The following TREH variants were observed in gnomAD, a reference collection of about 807,000 sequenced individuals.
The protein encoded by TREH is trehalase.
A neutral mutation model predicts 80.5 loss-of-function variants in TREH; 69 were observed. The ratio of observed to expected loss-of-function variants is 0.86; its 90% CI spans 0.71 to 1.05. The LOEUF (loss-of-function observed/expected upper bound fraction) is 1.05. Ranked by LOEUF, TREH falls within the 50% of genes least tolerant of loss-of-function variation. TREH has a pLI of 0.00. For synonymous variants in TREH, 309 were observed against 293.5 expected, an observed-to-expected ratio of 1.05 and a Z score of -0.54; for missense variants, 716 against 718.8, an observed-to-expected ratio of 1.00 and a Z score of 0.04.
chr11:118,676,627 C>T (rs1028749659), intron 1 of TREH, among the ~76,000 whole-genome samples: 2 of 151,820 alleles, frequency 1.3e-5, no homozygotes, highest in Admixed American at 6.6e-5. Flanking sequence ...ATTAGCCAGG[C>T]GTGGTGGTGC....
At position 118,674,100 on chromosome 11, in the gene TREH, G is replaced by T. The variant is rs1949455077; in HGVS notation, c.89+5439C>A. The stretch of plus-strand genomic sequence containing the variant: ...CCATTTCATTATGGAACTCTTCTGG[G>T]CCCTGCCCACTCTCTGTGAGCATTT... On this transcript the variant is annotated intron_variant, in intron 1 of 14. Coordinates refer to ENST00000264029, the MANE Select transcript of TREH (RefSeq NM_007180.3). This position sits in a 1 kb window ranked among gnomAD's most constrained non-coding sequence, Gnocchi z 4.4. 6.6e-6 allele frequency among the ~76,000 whole-genome samples: 1 copy of T among 152,166 alleles called. No individual in the cohort carries two copies. Among genetic ancestry groups the T allele is most frequent in the Admixed American group, 6.5e-5 (1 of 15,276 alleles).
chr11:118,663,223 C>T (rs1433340101), intron 2 of TREH, 27 bp from the exon 3 acceptor site: 1 of 1,580,682 alleles, frequency 6.3e-7, no homozygotes, highest in Non-Finnish European at 8.6e-7. Context: ...AGGGAGGGGT[C>T]AGCAGGGTGT....
Position 118,659,031 on chromosome 11 carries a change from C to T in TREH, c.1433-14G>A. 6.2e-7 allele frequency: 1 copy of T among 1,612,066 alleles called. No homozygotes were observed. The highest frequency in any genetic ancestry group is 1.7e-4 in the Middle Eastern group (1 of 6,024). On this transcript the variant is annotated splice_polypyrimidine_tract_variant and intron_variant, in intron 12 of 14. Coordinates refer to ENST00000264029, the MANE Select transcript of TREH (RefSeq NM_007180.3). ...CCTTGGCCAGGCCTAGACCCCATTG[C>T]AGGCAGGACTCAACCTCCAGGTCTC... is the stretch of plus-strand genomic sequence containing the variant.
chr11:118,661,372 C>T lies in TREH; in HGVS notation c.734+21G>A. The T allele has an allele frequency of 6.2e-7, 1 of 1,613,866 alleles. No homozygotes were observed. Among genetic ancestry groups the T allele is most frequent in the East Asian group, 2.2e-5 (1 of 44,874 alleles). On this transcript the variant is annotated intron_variant, in intron 7 of 14. Coordinates refer to ENST00000264029, the MANE Select transcript of TREH (RefSeq NM_007180.3). This position sits in a 1 kb window ranked among gnomAD's most constrained non-coding sequence, Gnocchi z 4.2. ...AGGGATGGGTGGGTCTGCAGAGCAG[C>T]ACAGGGAGGGTGGTACCCACTGTAG... is the stretch of plus-strand genomic sequence containing the variant.
intron 1 of TREH, among the ~76,000 whole-genome samples, chr11:118,668,448 T>C (rs1161137613): frequency 7.3e-6 from 1 of 137,666 alleles, no homozygotes; most frequent in Non-Finnish European, 1.5e-5. Flanking sequence ...GCATGCACCA[T>C]GTTGCTTGGG....
At chr11:118,675,011 A>G (rs1466280927) in intron 1 of TREH, among the ~76,000 whole-genome samples, 1 of 152,098 alleles carries the variant, frequency 6.6e-6, no homozygotes, top group East Asian at 1.9e-4. Flanking sequence ...TAGGGATTGT[A>G]TATTTGCTTT....
At position 118,659,417 on chromosome 11, in the gene TREH, C is replaced by A; in HGVS notation, c.1385G>T (p.Trp462Leu). ...GGGGGCCCAGGCATTGGGGAAATCC[C>A]ACTGCTGGCCTGTCTTCTGGAGAGA... ...PTSLQKTGQQWDFPNAWAPLQ... is the reference protein window; with the variant it reads ...PTSLQKTGQQLDFPNAWAPLQ... Residue 462 changes from tryptophan (W) to leucine (L), a missense_variant, in exon 12 of 15, where the codon TGG (tryptophan) becomes TTG (leucine). Coordinates refer to ENST00000264029, the MANE Select transcript of TREH (RefSeq NM_007180.3). 6.2e-7 allele frequency: 1 copy of A among 1,606,478 alleles called. No homozygotes were observed. The highest frequency in any genetic ancestry group is 8.5e-7 in the Non-Finnish European group (1 of 1,176,174).
chr11:118,665,140 A>G (rs535182460), intron 1 of TREH, among the ~76,000 whole-genome samples: 8 of 151,900 alleles, frequency 5.3e-5, no homozygotes, highest in Non-Finnish European at 7.4e-5. Flanking sequence ...GCTCACATTC[A>G]GCTTGAGAGG....
chr11:118,666,745 C>T (rs1403491724), intron 1 of TREH, among the ~76,000 whole-genome samples: 1 of 152,178 alleles, frequency 6.6e-6, no homozygotes, highest in Non-Finnish European at 1.5e-5. Flanking sequence ...AGAAAGGTCT[C>T]CAGTTAAAAT....
chr11:118,661,678 C>T lies in TREH; in HGVS notation c.576G>A (p.Thr192=), dbSNP rs782713762. The change falls in exon 6 of 15, where the codon ACG becomes ACA. Residue 192 remains threonine, a synonymous_variant. Coordinates refer to ENST00000264029, the MANE Select transcript of TREH (RefSeq NM_007180.3). The surrounding 1 kb of genome is among the most constrained non-coding windows in gnomAD (Gnocchi z 4.2). ...AGAAGTTCTGCAGCATGCCCTTCACCGTCTCAGCCATCTCTGAGAGGAGCA... is the reference window on the plus strand; with the variant it reads ...AGAAGTTCTGCAGCATGCCCTTCACTGTCTCAGCCATCTCTGAGAGGAGCA... ...EGLLLSEMAE[T]VKGMLQNFLD... is the part of the protein sequence containing the mutation. The T allele has an allele frequency of 3.1e-5, 50 of 1,613,874 alleles. No individual in the cohort carries two copies. The highest frequency in any genetic ancestry group is 1.4e-4 in the South Asian group (13 of 91,092).
chr11:118,658,558 A>G, intron 14 of TREH, 117 bp from the exon 15 acceptor site: 1 of 1,517,356 alleles, frequency 6.6e-7, no homozygotes, highest in Non-Finnish European at 8.9e-7. Context: ...TACAGGAAGC[A>G]CCAGTCAGCT....
At chr11:118,664,168 A>G (rs557538673) in intron 1 of TREH, among the ~76,000 whole-genome samples, 1 of 152,312 alleles carries the variant, frequency 6.6e-6, no homozygotes, top group East Asian at 1.9e-4. Context: ...GAGCTGATGG[A>G]TCCTAGTGCC....
At position 118,658,364 on chromosome 11, in the gene TREH, C is replaced by T. The variant is rs782188712; in HGVS notation, c.1677G>A (p.Lys559=). ...GGCAGTGGGGCTCCAGGAAAGCCAGCTTGGCCCCTGAGGTCAGCCGGTCAC... is the reference window on the plus strand; with the variant it reads ...GGCAGTGGGGCTCCAGGAAAGCCAGTTTGGCCCCTGAGGTCAGCCGGTCAC... ...RYGDRLTSGA[K]LAFLEPHCLA... The change falls in exon 15 of 15, where the codon AAG becomes AAA. Residue 559 remains lysine (K), a synonymous_variant. Transcript: ENST00000264029. The T allele has an allele frequency of 1.3e-5, 21 of 1,605,864 alleles. No homozygotes were observed. In the South Asian group the frequency reaches 2.1e-4, roughly 16 times the overall value.
Position 118,658,148 on chromosome 11 carries a change from CT to C in TREH, c.*140del, listed in dbSNP as rs1236463371. ...AGGGAGCTAGGCCCCTACCCATGACCTCCAGGTCGTGACCCTGCCCTCCACT... is the reference window on the plus strand; with the variant it reads ...AGGGAGCTAGGCCCCTACCCATGACCCCAGGTCGTGACCCTGCCCTCCACT... On this transcript the variant is annotated 3_prime_UTR_variant, in exon 15 of 15. Coordinates refer to ENST00000264029, the MANE Select transcript of TREH (RefSeq NM_007180.3). The C allele has an allele frequency of 1.4e-5, 17 of 1,226,764 alleles. No individual in the cohort carries two copies. In the African/African-American group the frequency reaches 2.6e-4, roughly 19 times the overall value. The allele number at this position is 1,226,764 out of a possible 1,614,324, so 76.0% of individuals were successfully genotyped here. A position where few individuals can be genotyped will look rare whatever the true frequency, so the allele number is the denominator to read the frequency against.
intron 14 of TREH, 79 bp from the exon 15 acceptor site, chr11:118,658,520 G>C: frequency 6.5e-7 from 1 of 1,546,334 alleles, no homozygotes; most frequent in Non-Finnish European, 8.7e-7. Flanking sequence ...CTCTCCCCAG[G>C]GGCACTGGCC....
In TREH at chr11:118,658,016, T is replaced by C; in HGVS notation, c.*273A>G. The C allele has an allele frequency of 1.2e-5, 6 of 491,564 alleles. No individual in the cohort carries two copies. In the Admixed American group the frequency reaches 1.6e-4, roughly 13 times the overall value. 30.5% of individuals were successfully genotyped at this position (491,564 alleles called of 1,614,324 possible). ...GCATTTCAGCAGAACAATAAAGCCT[T>C]TGGACTACGGAAGTGAGTGGAAGGC... is the stretch of plus-strand genomic sequence containing the variant. On this transcript the variant is annotated 3_prime_UTR_variant, in exon 15 of 15. Transcript: ENST00000264029.
rs1272965788 is a variant in TREH, at chr11:118,662,819, C to G, written c.423+62G>C. On this transcript the variant is annotated intron_variant, in intron 4 of 14. Transcript: ENST00000264029. ...TGTGCTCCGAAGACACTGTGGGCCC[C>G]AGGCACATTCCTCTCTTCAGTTCCC... 3 of 1,531,630 alleles carry G rather than the reference C, an allele frequency of 2.0e-6. No homozygotes were observed. In the Admixed American group the frequency reaches 5.9e-5, roughly 30 times the overall value. 94.9% of individuals were successfully genotyped at this position (1,531,630 alleles called of 1,614,324 possible).
intron 9 of TREH, 37 bp from the exon 10 acceptor site, chr11:118,660,770 T>C: frequency 1.3e-6 from 2 of 1,551,170 alleles, no homozygotes; most frequent in Admixed American, 3.9e-5. Flanking sequence ...CAGTCCCGGC[T>C]GCAGGATAGG....
Position 118,659,608 on chromosome 11 carries a change from C to A in TREH, c.1321-127G>T, listed in dbSNP as rs1949286524. ...CTTCTTTTCTCGGCTCACAGCTGCCCCCCGGTGGCTCTGGTGGGACCCGCA... is the reference window on the plus strand; with the variant it reads ...CTTCTTTTCTCGGCTCACAGCTGCCACCCGGTGGCTCTGGTGGGACCCGCA... On this transcript the variant is annotated intron_variant, in intron 11 of 14. Coordinates refer to ENST00000264029, the MANE Select transcript of TREH (RefSeq NM_007180.3). 3 of 1,353,760 alleles carry A rather than the reference C, an allele frequency of 2.2e-6. No individual in the cohort carries two copies. The East Asian group carries it at 7.5e-5, about 34-fold the overall frequency. 83.9% of individuals were successfully genotyped at this position (1,353,760 alleles called of 1,614,324 possible). A position where few individuals can be genotyped will look rare whatever the true frequency, so the allele number is the denominator to read the frequency against.
Sources: allele counts gnomAD v4.1 joint callset (sites outside exome capture counted in the v4.1 genomes callset), GRCh38; gene constraint gnomAD v4.1.1; non-coding constraint Gnocchi (gnomAD v3.1); transcripts MANE v1.5; gene names NCBI Gene and HGNC (gene_info 2026-07-23, HGNC 2026-07-21).